The following BRINP1 variants were observed in gnomAD, a reference collection of about 807,000 sequenced individuals.
The protein encoded by BRINP1 is BMP/retinoic acid inducible neural specific 1, also known as BMP/retinoic acid-inducible neural-specific protein 1.
In BRINP1, 17 loss-of-function variants were observed where a neutral mutation model predicts 72.9. The observed-to-expected ratio is 0.23, with a 90% CI of 0.16 to 0.35. The LOEUF is 0.35. Among genes scored for constraint, BRINP1 ranks in the 10% least tolerant of loss-of-function variants. The probability of loss-of-function intolerance (pLI) is 1.00; values close to 1 mark genes in which losing one functional copy is unlikely to be tolerated. For missense variants in BRINP1, 850 were observed against 1,001.6 expected (o/e 0.85, Z 2.04); for synonymous variants, 418 against 378.5 (o/e 1.10, Z -1.21).
intron 1 of BRINP1, among the ~76,000 whole-genome samples, chr9:119,319,220 C>A (rs942900928): frequency 1.3e-5 from 2 of 152,282 alleles, no homozygotes; most frequent in East Asian, 1.9e-4. Flanking sequence ...GTTAAGAGTT[C>A]TTCTCATTCT....
At chr9:119,340,105 A>C (rs1831391777) in intron 1 of BRINP1, among the ~76,000 whole-genome samples, 1 of 152,192 alleles carries the variant, frequency 6.6e-6, no homozygotes, top group Non-Finnish European at 1.5e-5. Flanking sequence ...CTTCCTCTCC[A>C]GAGTTGACAC....
intron 1 of BRINP1, among the ~76,000 whole-genome samples, chr9:119,341,913 G>A (rs917851055): frequency 2.0e-5 from 3 of 152,000 alleles, no homozygotes; most frequent in Admixed American, 1.3e-4. Flanking sequence ...ATAGGCACAC[G>A]CCACCACACT....
chr9:119,357,606 A>G (rs1831582109), intron 1 of BRINP1, among the ~76,000 whole-genome samples: 1 of 152,240 alleles, frequency 6.6e-6, no homozygotes, highest in South Asian at 2.1e-4. Context: ...GCCAGAAAGC[A>G]CTAGAAGAGT....
chr9:119,306,230 C>T (rs7023771), intron 2 of BRINP1, among the ~76,000 whole-genome samples: 72,357 of 152,026 alleles, frequency 0.48, 17,702 homozygotes, highest in African/African-American at 0.56. Flanking sequence ...AGAGGTAAAA[C>T]ACTGTAAACG....
intron 2 of BRINP1, among the ~76,000 whole-genome samples, chr9:119,250,032 A>G (rs1253418941): frequency 1.6e-3 from 108 of 67,182 alleles, no homozygotes; most frequent in South Asian, 2.7e-3. Flanking sequence ...GAAGGAGGGA[A>G]GGAAGGAAGG....
chr9:119,288,983 A>G (rs1830796057), intron 2 of BRINP1, among the ~76,000 whole-genome samples: 2 of 152,164 alleles, frequency 1.3e-5, no homozygotes, highest in South Asian at 4.1e-4. Flanking sequence ...TATATTTAGT[A>G]GAGATGGGGT....
intron 2 of BRINP1, among the ~76,000 whole-genome samples, chr9:119,294,413 G>C (rs1830852783): frequency 6.6e-6 from 1 of 152,110 alleles, no homozygotes. Context: ...TATAATCCCA[G>C]CTACCCAGGA....
At chr9:119,168,934 A>T (rs184190958) in intron 7 of BRINP1, among the ~76,000 whole-genome samples, 132 of 152,312 alleles carry the variant, frequency 8.7e-4, no homozygotes, top group African/African-American at 3.0e-3. Context: ...CGATTCCTCA[A>T]GGAGCTACAA....
chr9:119,195,043 G>T (rs1261934048), intron 7 of BRINP1, among the ~76,000 whole-genome samples: 3 of 152,068 alleles, frequency 2.0e-5, no homozygotes, highest in African/African-American at 7.2e-5. Flanking sequence ...TTTCTTTCAG[G>T]TACAAAATTT....
rs1437960201 is a variant in BRINP1, at chr9:119,305,413, T to G, written c.218+7725A>C. On this transcript the variant is annotated intron_variant, in intron 2 of 7. Coordinates refer to ENST00000265922, the MANE Select transcript of BRINP1 (RefSeq NM_014618.3). The stretch of plus-strand genomic sequence containing the variant: ...GATTGGTTGAAATCCATGTGCTATC[T>G]CAAATTTCTTTTGTTGTTGGCTTGA... 8.5e-5 allele frequency among the ~76,000 whole-genome samples: 13 copies of G among 152,338 alleles called. 1 individual carries two copies. Among genetic ancestry groups the G allele is most frequent in the South Asian group, 6.2e-4 (3 of 4,828 alleles).
chr9:119,291,893 T>C (rs913786307), intron 2 of BRINP1, among the ~76,000 whole-genome samples: 3 of 152,150 alleles, frequency 2.0e-5, no homozygotes, highest in African/African-American at 4.8e-5. Flanking sequence ...CCATTAGCAA[T>C]AGACAAAAGA....
intron 1 of BRINP1, among the ~76,000 whole-genome samples, chr9:119,341,673 G>A (rs949235867): frequency 1.1e-4 from 17 of 152,182 alleles, no homozygotes; most frequent in African/African-American, 2.7e-4. Context: ...GCTAAACTAC[G>A]ATGTTTGGTA....
intron 2 of BRINP1, among the ~76,000 whole-genome samples, chr9:119,270,900 A>C (rs1427626248): frequency 6.6e-6 from 1 of 152,204 alleles, no homozygotes; most frequent in African/African-American, 2.4e-5. Context: ...GTTGAAATGG[A>C]TGGGGGAAAA....
At chr9:119,329,340 T>C (rs1409317578) in intron 1 of BRINP1, among the ~76,000 whole-genome samples, 1 of 152,208 alleles carries the variant, frequency 6.6e-6, no homozygotes, top group African/African-American at 2.4e-5. Context: ...GAAACTACCA[T>C]GGTTCAGCTA....
intron 1 of BRINP1, among the ~76,000 whole-genome samples, chr9:119,339,992 C>T (rs1831390802): frequency 6.6e-6 from 1 of 152,146 alleles, no homozygotes; most frequent in South Asian, 2.1e-4. Flanking sequence ...CTCTCCCTGC[C>T]CCTCCCCAAG....
chr9:119,354,736 G>A (rs1246102350), intron 1 of BRINP1, among the ~76,000 whole-genome samples: 1 of 152,092 alleles, frequency 6.6e-6, no homozygotes, highest in South Asian at 2.1e-4. Context: ...AGGTGTGGTG[G>A]CATGTGCCTG....
chr9:119,316,938 A>G (rs1161941147), intron 1 of BRINP1, among the ~76,000 whole-genome samples: 1 of 149,034 alleles, frequency 6.7e-6, no homozygotes, highest in East Asian at 1.9e-4. Flanking sequence ...TAAAAATACA[A>G]AAATTAGCTG....
intron 7 of BRINP1, among the ~76,000 whole-genome samples, chr9:119,200,687 G>A (rs907095505): frequency 6.6e-6 from 1 of 151,134 alleles, no homozygotes; most frequent in East Asian, 1.9e-4. Context: ...TAAACTGGAT[G>A]GTAAACTGGA....
At chr9:119,288,425 G>T (rs1166810865) in intron 2 of BRINP1, among the ~76,000 whole-genome samples, 1 of 152,130 alleles carries the variant, frequency 6.6e-6, no homozygotes, top group African/African-American at 2.4e-5. Context: ...GATTTGGGGA[G>T]ACAATGGATG....
Sources: allele counts gnomAD v4.1 joint callset (sites outside exome capture counted in the v4.1 genomes callset), GRCh38; gene constraint gnomAD v4.1.1; transcripts MANE v1.5; gene names NCBI Gene and HGNC (gene_info 2026-07-23, HGNC 2026-07-21).